The following KIAA2012 variants were observed in gnomAD, a reference collection of about 807,000 sequenced individuals.
KIAA2012 encodes KIAA2012, also known as uncharacterized protein KIAA2012.
In KIAA2012, 125 loss-of-function variants were observed where a neutral mutation model predicts 150.6. The observed-to-expected ratio is 0.83, with a 90% CI of 0.72 to 0.96. The LOEUF (loss-of-function observed/expected upper bound fraction) is 0.96. KIAA2012 is among the 40% of genes least tolerant of loss of function. The pLI, the probability that KIAA2012 is intolerant of heterozygous loss-of-function variation, is 0.00. For synonymous variants in KIAA2012, 462 were observed against 504.7 expected (o/e 0.92, Z 1.13); for missense variants, 1,219 against 1,354.9 (o/e 0.90, Z 1.57).
chr2:202,115,998 T>C (rs1690512190), intron 11 of KIAA2012: 1 of 151,912 alleles, frequency 6.6e-6, no homozygotes, highest in Non-Finnish European at 1.5e-5. Context: ...AAATTGAAAG[T>C]CTTGAGAAAG....
At chr2:202,131,065 T>C (rs566104553) in intron 12 of KIAA2012, among the ~76,000 whole-genome samples, 1 of 152,364 alleles carries the variant, frequency 6.6e-6, no homozygotes, top group East Asian at 1.9e-4. Context: ...GGTTTCCCCA[T>C]AATCCCTCCT....
At chr2:202,198,881 A>G (rs2105754957) in intron 22 of KIAA2012, among the ~76,000 whole-genome samples, 1 of 152,342 alleles carries the variant, frequency 6.6e-6, no homozygotes, top group African/African-American at 2.4e-5. Context: ...AAGTTTGTCT[A>G]CTAACCTTGA....
At chr2:202,191,170 G>C (rs754808394) in intron 19 of KIAA2012, among the ~76,000 whole-genome samples, 2 of 152,064 alleles carry the variant, frequency 1.3e-5, no homozygotes, top group Non-Finnish European at 2.9e-5. Context: ...CCAGCTACTT[G>C]GGAGGCTGAG....
chr2:202,097,756 A>C (rs1244846689), intron 5 of KIAA2012, among the ~76,000 whole-genome samples, 179 bp downstream of exon 5: 1 of 151,856 alleles, frequency 6.6e-6, no homozygotes, highest in African/African-American at 2.4e-5. Context: ...GGCCTGGCTA[A>C]TTTTTTGTAT....
intron 22 of KIAA2012, chr2:202,201,662 G>T: frequency 6.2e-7 from 1 of 1,610,782 alleles, no homozygotes; most frequent in South Asian, 1.1e-5. Flanking sequence ...CCACAGACTG[G>T]GCCATGGGAA....
At chr2:202,181,156 G>C (rs1692111168) in intron 15 of KIAA2012, among the ~76,000 whole-genome samples, 2 of 152,116 alleles carry the variant, frequency 1.3e-5, no homozygotes, top group Non-Finnish European at 2.9e-5. Context: ...TTTTTGTAGA[G>C]ACAGGATCTC....
chr2:202,151,806 G>T (rs1691434174), intron 13 of KIAA2012, among the ~76,000 whole-genome samples: 1 of 152,120 alleles, frequency 6.6e-6, no homozygotes, highest in Non-Finnish European at 1.5e-5. Context: ...CTGTTGCCCA[G>T]GCTGGAGTGC....
In KIAA2012 at chr2:202,190,294, G is replaced by C; in HGVS notation, c.2612G>C (p.Ser871Thr). The C allele has an allele frequency of 6.4e-7, 1 of 1,550,590 alleles. No individual in the cohort carries two copies. Among genetic ancestry groups the C allele is most frequent in the South Asian group, 1.2e-5 (1 of 84,050 alleles). ...IAAELSGPDV[S>T]YEETEDTSNR... is the part of the protein sequence containing the mutation. Reference sequence around the variant, plus strand: ...GCAGAGCTGAGCGGGCCTGATGTCAGCTATGAGGAAACAGAAGACACCTCA... The same window carrying C: ...GCAGAGCTGAGCGGGCCTGATGTCACCTATGAGGAAACAGAAGACACCTCA... Residue 871 changes from serine to threonine, a missense_variant, in exon 19 of 24, where the codon AGC becomes ACC. Coordinates refer to ENST00000498697, the MANE Select transcript of KIAA2012 (RefSeq NM_001277372.4).
intron 15 of KIAA2012, among the ~76,000 whole-genome samples, chr2:202,168,417 CAAAA>C (rs59232782): frequency 2.2e-5 from 2 of 92,160 alleles, no homozygotes; most frequent in Non-Finnish European, 4.6e-5. Flanking sequence ...GACTCTGTCT[CAAAA>C]AAAAAAAAAA....
intron 12 of KIAA2012, among the ~76,000 whole-genome samples, chr2:202,133,101 T>TAAAA (rs376450801): frequency 0.2 from 14,301 of 73,138 alleles, 2,390 homozygotes; most frequent in African/African-American, 0.31. Context: ...TGAGACTGTC[T>TAAAA]AAAAAAAAAT....
intron 22 of KIAA2012, among the ~76,000 whole-genome samples, chr2:202,200,844 T>TTAC (rs1325574666): frequency 7.2e-5 from 11 of 151,744 alleles, no homozygotes; most frequent in Non-Finnish European, 4.4e-5. Context: ...GTAGCTGGGA[T>TTAC]TACAGGCATG....
At chr2:202,102,796 G>A in intron 7 of KIAA2012, 150 bp from the exon 8 acceptor site, 2 of 698,688 alleles carry the variant, frequency 2.9e-6, no homozygotes, top group Non-Finnish European at 4.7e-6. Flanking sequence ...TGGCACCACT[G>A]AAGTCAGATA....
chr2:202,090,883 C>A lies in KIAA2012; in HGVS notation c.483C>A (p.Leu161=). 6.4e-7 allele frequency: 1 copy of A among 1,550,478 alleles called. No homozygotes were observed. The highest frequency in any genetic ancestry group is 8.7e-7 in the Non-Finnish European group (1 of 1,146,880). ...GHSAKRYLRG[L]LRTWPPDAMY... ...CAGCCAAGAGATACCTCCGAGGCCT[C>A]CTGCGGACTTGGCCCCCAGACGCCA... The change falls in exon 3 of 24, where the codon CTC becomes CTA. Residue 161 remains leucine, a synonymous_variant. Transcript: ENST00000498697.
chr2:202,090,672 T>G, intron 2 of KIAA2012, 98 bp from the exon 3 acceptor site: 1 of 1,346,734 alleles, frequency 7.4e-7, no homozygotes, highest in Non-Finnish European at 9.8e-7. Flanking sequence ...CTTCTGGGAG[T>G]TTCCTGGGTT....
chr2:202,194,607 G>T (rs1314455846), intron 21 of KIAA2012, among the ~76,000 whole-genome samples: 2 of 45,288 alleles, frequency 4.4e-5, no homozygotes, highest in African/African-American at 1.8e-4. Flanking sequence ...CATTGCTCAA[G>T]AGCTACCTAA....
At chr2:202,152,225 T>C (rs1691442158) in intron 13 of KIAA2012, among the ~76,000 whole-genome samples, 1 of 152,198 alleles carries the variant, frequency 6.6e-6, no homozygotes, top group South Asian at 2.1e-4. Context: ...GCAAAAACAG[T>C]ACTTCACATT....
chr2:202,192,746 G>A (rs1406539779), intron 19 of KIAA2012, among the ~76,000 whole-genome samples: 2 of 152,076 alleles, frequency 1.3e-5, no homozygotes, highest in Non-Finnish European at 2.9e-5. Context: ...CATGAGCCAT[G>A]CCCGGCCCCT....
rs148347824 is a variant in KIAA2012, at chr2:202,138,870, C to G, written c.1908+362C>G. On this transcript the variant is annotated intron_variant, in intron 13 of 23. Coordinates refer to ENST00000498697, the MANE Select transcript of KIAA2012 (RefSeq NM_001277372.4). ...ATTCGTAATTAGAGATAAACATTAGCAATTAAGAAAAACAAAGTGCAAAGG... is the reference window on the plus strand; with the variant it reads ...ATTCGTAATTAGAGATAAACATTAGGAATTAAGAAAAACAAAGTGCAAAGG... Among the ~76,000 whole-genome samples, 430 of 152,166 alleles carry G rather than the reference C, an allele frequency of 2.8e-3. 2 individuals are homozygous for G. The highest frequency in any genetic ancestry group is 0.01 in the African/African-American group (421 of 41,530).
intron 12 of KIAA2012, among the ~76,000 whole-genome samples, chr2:202,128,314 G>A (rs958656336): frequency 3.9e-5 from 6 of 152,108 alleles, no homozygotes; most frequent in Admixed American, 6.6e-5. Flanking sequence ...TGCCCAGACT[G>A]GAGTGCAGTG....
Sources: allele counts gnomAD v4.1 joint callset (sites outside exome capture counted in the v4.1 genomes callset), GRCh38; gene constraint gnomAD v4.1.1; transcripts MANE v1.5; gene names NCBI Gene and HGNC (gene_info 2026-07-23, HGNC 2026-07-21).